The following RASGEF1A variants were observed in gnomAD, a reference collection of about 807,000 sequenced individuals.
RASGEF1A encodes ras-GEF domain-containing family member 1A.
Under a neutral mutation model 56.4 loss-of-function variants are expected in RASGEF1A, and 18 were observed. The observed-to-expected ratio is 0.32, with a 90% CI of 0.22 to 0.47. RASGEF1A has a LOEUF of 0.47. Among genes scored for constraint, RASGEF1A ranks in the 20% least tolerant of loss-of-function variants. RASGEF1A has a pLI of 1.00. For synonymous variants in RASGEF1A, 245 were observed against 242.6 expected (o/e 1.01, Z -0.09); for missense variants, 422 against 627.1 (o/e 0.67, Z 3.49).
intron 1 of RASGEF1A, among the ~76,000 whole-genome samples, chr10:43,226,011 G>A (rs924223839): frequency 6.6e-6 from 1 of 152,152 alleles, no homozygotes. Context: ...AGGCGGGTGT[G>A]GGCGGTGACA....
rs1225679662 is a variant in RASGEF1A, at chr10:43,203,152, A to C, written c.321+146T>G. The C allele has an allele frequency of 1.8e-5, 3 of 169,746 alleles. No individual in the cohort carries two copies. In the Admixed American group the frequency reaches 3.0e-4, roughly 17 times the overall value. The allele number at this position is 169,746 out of a possible 1,614,324, so 10.5% of individuals were successfully genotyped here. On this transcript the variant is annotated intron_variant, in intron 3 of 12. Coordinates refer to ENST00000395810, the MANE Select transcript of RASGEF1A (RefSeq NM_145313.4). ...GGCCCCACCCTGGACCCCATCCCAC[A>C]GTCCCAGCCAGGCCAAGCCCCAACT...
chr10:43,235,169 C>G (rs762898653), intron 1 of RASGEF1A, among the ~76,000 whole-genome samples: 3 of 152,158 alleles, frequency 2.0e-5, no homozygotes, highest in Non-Finnish European at 4.4e-5. Context: ...AGGCATAAAG[C>G]GTGAAGGAGG....
intron 1 of RASGEF1A, among the ~76,000 whole-genome samples, chr10:43,251,279 C>T (rs890722840): frequency 9.9e-5 from 15 of 152,176 alleles, no homozygotes; most frequent in African/African-American, 1.2e-4. Flanking sequence ...GAAAAGCACC[C>T]TGTGGGTTCG....
chr10:43,247,878 A>G (rs1200867602), intron 1 of RASGEF1A, among the ~76,000 whole-genome samples: 1 of 152,038 alleles, frequency 6.6e-6, no homozygotes, highest in Non-Finnish European at 1.5e-5. Context: ...TCTGGCCAAC[A>G]TGGTGAAACC....
chr10:43,241,383 C>A (rs895537676), intron 1 of RASGEF1A, among the ~76,000 whole-genome samples: 1 of 152,016 alleles, frequency 6.6e-6, no homozygotes, highest in Non-Finnish European at 1.5e-5. Flanking sequence ...ATGGCAGTAA[C>A]AGCACAAAGG....
At chr10:43,226,980 G>A (rs1840287542) in intron 1 of RASGEF1A, among the ~76,000 whole-genome samples, 2 of 152,222 alleles carry the variant, frequency 1.3e-5, no homozygotes, top group Admixed American at 1.3e-4. Context: ...GCCGGGTGTC[G>A]TGGAGGCACG....
Position 43,219,709 on chromosome 10 carries a change from G to A in RASGEF1A, c.-6-13587C>T, listed in dbSNP as rs1434098834. Reference sequence around the variant, plus strand: ...GAGGCAGGAAGGGATGGCCAGCCGCGTAGGCCACACACAGACCTGTCCCGG... The same window carrying A: ...GAGGCAGGAAGGGATGGCCAGCCGCATAGGCCACACACAGACCTGTCCCGG... On this transcript the variant is annotated intron_variant, in intron 1 of 12. Coordinates refer to ENST00000395810, the MANE Select transcript of RASGEF1A (RefSeq NM_145313.4). Among the ~76,000 whole-genome samples, 7 of 152,356 alleles carry A rather than the reference G, an allele frequency of 4.6e-5. No homozygotes were observed. In the East Asian group the frequency reaches 9.7e-4, roughly 21 times the overall value.
intron 1 of RASGEF1A, among the ~76,000 whole-genome samples, chr10:43,215,204 T>TCATG (rs1463552109): frequency 6.6e-6 from 1 of 152,094 alleles, no homozygotes; most frequent in African/African-American, 2.4e-5. Context: ...TCAGGGCCCA[T>TCATG]CATGCATGAG....
intron 1 of RASGEF1A, among the ~76,000 whole-genome samples, chr10:43,259,249 C>T (rs548896219): frequency 6.6e-6 from 1 of 152,322 alleles, no homozygotes; most frequent in African/African-American, 2.4e-5. Flanking sequence ...GCATTCTGAG[C>T]ACCCCAGGGA....
chr10:43,228,721 C>T (rs1840315934), intron 1 of RASGEF1A, among the ~76,000 whole-genome samples: 1 of 152,230 alleles, frequency 6.6e-6, no homozygotes, highest in Admixed American at 6.5e-5. Context: ...GCCCTCAGCA[C>T]CAGGTAGCAC....
chr10:43,205,880 A>G (rs183463403), intron 2 of RASGEF1A, 39 bp downstream of exon 2: 1 of 1,519,112 alleles, frequency 6.6e-7, no homozygotes, highest in Admixed American at 1.7e-5. Flanking sequence ...AGCCCAGGTC[A>G]CCCCATTAGT....
chr10:43,199,210 T>G lies in RASGEF1A; in HGVS notation c.850-16A>C, dbSNP rs1839852094. The G allele has an allele frequency of 6.3e-7, 1 of 1,584,690 alleles. No homozygotes were observed. On this transcript the variant is annotated splice_polypyrimidine_tract_variant and intron_variant, in intron 7 of 12. Transcript: ENST00000395810. ...TCTTCACCACCTGGAAGGTGGCAGG[T>G]GACCTCAGCATGGCGCTGCCGGGGG...
intron 1 of RASGEF1A, among the ~76,000 whole-genome samples, chr10:43,211,523 C>T (rs549666430): frequency 6.6e-6 from 1 of 152,310 alleles, no homozygotes; most frequent in Non-Finnish European, 1.5e-5. Context: ...CAGGGCTCTC[C>T]CCAGGCCTCC....
intron 1 of RASGEF1A, among the ~76,000 whole-genome samples, chr10:43,233,926 G>C (rs886355751): frequency 6.6e-6 from 1 of 152,194 alleles, no homozygotes; most frequent in Admixed American, 6.5e-5. Context: ...GAACGCTCCA[G>C]GCCGAGGATA....
intron 1 of RASGEF1A, among the ~76,000 whole-genome samples, chr10:43,236,422 G>A (rs1194163617): frequency 6.6e-6 from 1 of 152,222 alleles, no homozygotes; most frequent in Non-Finnish European, 1.5e-5. Context: ...ATAGGCATGG[G>A]TGTGTGTACA....
intron 1 of RASGEF1A, among the ~76,000 whole-genome samples, chr10:43,250,626 G>A (rs1012547480): frequency 6.7e-6 from 1 of 150,064 alleles, no homozygotes; most frequent in Non-Finnish European, 1.5e-5. Context: ...CCAAGTGTGG[G>A]GTGTGCCGAA....
At chr10:43,199,806 A>T in intron 6 of RASGEF1A, 38 bp from the exon 7 acceptor site, 2 of 1,557,450 alleles carry the variant, frequency 1.3e-6, no homozygotes, top group Non-Finnish European at 1.8e-6. Flanking sequence ...GGCCTGGAGG[A>T]CCATGGCTGG....
chr10:43,208,218 C>T, intron 1 of RASGEF1A: 1 of 985,464 alleles, frequency 1.0e-6, no homozygotes, highest in Non-Finnish European at 1.2e-6. Flanking sequence ...CTCCTCACCC[C>T]AAGCTCTTGG....
intron 1 of RASGEF1A, among the ~76,000 whole-genome samples, chr10:43,257,054 A>G (rs1434453938): frequency 6.6e-6 from 1 of 152,134 alleles, no homozygotes; most frequent in Non-Finnish European, 1.5e-5. Flanking sequence ...CATGGCCTGC[A>G]GTGGGTGAGG....
Sources: gnomAD v4.1 joint callset for allele counts (sites outside exome capture counted in the v4.1 genomes callset) on GRCh38, gnomAD v4.1.1 for gene constraint, MANE v1.5 for transcripts, NCBI Gene and HGNC (gene_info 2026-07-23, HGNC 2026-07-21) for gene names.